Variants in DOT1L observed in about 807,000 individuals in gnomAD.
DOT1L encodes histone-lysine N-methyltransferase, H3 lysine-79 specific.
Under a neutral mutation model 153.3 loss-of-function variants are expected in DOT1L, and 33 were observed. The observed-to-expected ratio is 0.22, with a 90% confidence interval of 0.16 to 0.29. The LOEUF (loss-of-function observed/expected upper bound fraction) is 0.29. Ranked by LOEUF, DOT1L falls within the 10% of genes least tolerant of loss-of-function variation. The pLI is 1.00. For synonymous variants in DOT1L, 1,135 were observed against 965.1 expected (o/e 1.18, Z -3.26); for missense variants, 1,847 against 2,119.9 (o/e 0.87, Z 2.53).
At chr19:2,201,510 A>G (rs1412287606) in intron 8 of DOT1L, among the ~76,000 whole-genome samples, 1 of 152,162 alleles carries the variant, frequency 6.6e-6, no homozygotes, top group East Asian at 1.9e-4. Context: ...GAACAAGTAG[A>G]AAATGGGGGT....
intron 23 of DOT1L, 112 bp from the exon 24 acceptor site, chr19:2,221,864 C>A: frequency 8.6e-7 from 1 of 1,156,910 alleles, no homozygotes. Context: ...CCCTTCCCCA[C>A]TTCCCCGCCT....
intron 2 of DOT1L, 45 bp from the exon 3 acceptor site, chr19:2,185,808 CAA>C: frequency 6.3e-7 from 1 of 1,593,854 alleles, no homozygotes; most frequent in Non-Finnish European, 8.6e-7. Flanking sequence ...CAAAACAAAA[CAA>C]AAAAAACCAA....
At chr19:2,189,934 A>T in intron 4 of DOT1L, 139 bp downstream of exon 4, 2 of 978,406 alleles carry the variant, frequency 2.0e-6, no homozygotes, top group Non-Finnish European at 3.1e-6. Context: ...TGGGGGGACG[A>T]TGGGCTGTGG....
chr19:2,220,501 G>C lies in DOT1L; in HGVS notation c.2806+279G>C. The C allele has an allele frequency of 1.8e-6, 1 of 548,502 alleles. No individual in the cohort carries two copies. The highest frequency in any genetic ancestry group is 1.5e-5 in the South Asian group (1 of 65,392). The allele number at this position is 548,502 out of a possible 1,614,324, so 34.0% of individuals were successfully genotyped here. On this transcript the variant is annotated intron_variant, in intron 23 of 27. Coordinates refer to ENST00000398665, the MANE Select transcript of DOT1L (RefSeq NM_032482.3). The surrounding 1 kb of genome is among the most constrained non-coding windows in gnomAD (Gnocchi z 4.5). ...AATTCAGCCCGTGAGGTCGGCCCCA[G>C]TGCTCTCGGGGGCTCCTGTACTCAC...
chr19:2,195,821 A>C (rs944117267), intron 7 of DOT1L, among the ~76,000 whole-genome samples: 4 of 152,340 alleles, frequency 2.6e-5, no homozygotes, highest in Admixed American at 2.6e-4. Flanking sequence ...GGAATCCGCA[A>C]GTTTGCAGAA....
Position 2,209,760 on chromosome 19 carries a change from C to T in DOT1L, c.1006-640C>T, listed in dbSNP as rs141561805. ...CAGACAAGACCAGCATGCGGAGAACCCCGTACAGGAAGGGCTCTGTCACTG... is the reference window on the plus strand; with the variant it reads ...CAGACAAGACCAGCATGCGGAGAACTCCGTACAGGAAGGGCTCTGTCACTG... On this transcript the variant is annotated intron_variant, in intron 12 of 27. Transcript: ENST00000398665. 6.6e-5 allele frequency among the ~76,000 whole-genome samples: 10 copies of T among 152,332 alleles called. No individual in the cohort carries two copies. The East Asian group carries it at 1.5e-3, about 24-fold the overall frequency.
intron 15 of DOT1L, 79 bp from the exon 16 acceptor site, chr19:2,211,672 G>C: frequency 7.7e-7 from 1 of 1,304,972 alleles, no homozygotes; most frequent in Non-Finnish European, 1.1e-6. Flanking sequence ...CCTGGGACTC[G>C]TTCTCAAGGG....
At chr19:2,169,442 C>T (rs762143183) in intron 1 of DOT1L, among the ~76,000 whole-genome samples, 2 of 152,120 alleles carry the variant, frequency 1.3e-5, no homozygotes, top group Non-Finnish European at 1.5e-5. Flanking sequence ...GGTACTGGGG[C>T]GGGGAATTGT....
rs199670595 is a variant in DOT1L, at chr19:2,223,370, C to G, written c.3480C>G (p.His1160Gln). Reference sequence around the variant, plus strand: ...GCTCCCCTGTGCCCTACCAGGACCACGACCAGCCCCCCGTGCTCAAGAAGG... The same window carrying G: ...GCTCCCCTGTGCCCTACCAGGACCAGGACCAGCCCCCCGTGCTCAAGAAGG... Reference protein sequence around the residue: ...LKSSPVPYQDHDQPPVLKKER... With the variant: ...LKSSPVPYQDQDQPPVLKKER... Residue 1160 changes from histidine to glutamine, a missense_variant, in exon 25 of 28, where the codon CAC becomes CAG. His to Gln is a conservative substitution (Grantham distance 24, BLOSUM62 0). This residue lies in a region of DOT1L where 934 missense variants were observed against 825.3 expected (regional missense o/e 1.13). Transcript: ENST00000398665. The G allele has an allele frequency of 1.2e-6, 2 of 1,613,862 alleles. No homozygotes were observed. Among genetic ancestry groups the G allele is most frequent in the Middle Eastern group, 1.6e-4 (1 of 6,062 alleles).
Position 2,193,722 on chromosome 19 carries a change from C to T in DOT1L, c.527C>T (p.Ala176Val), listed in dbSNP as rs765670041. The change falls in exon 6 of 28, where the codon GCC (alanine) becomes GTC (valine). Residue 176 changes from alanine to valine, a missense_variant. Around this residue, in one of 8 missense-constraint regions of DOT1L, gnomAD observed 148 missense variants for 422.3 expected, o/e 0.35. Coordinates refer to ENST00000398665, the MANE Select transcript of DOT1L (RefSeq NM_032482.3). The surrounding 1 kb of genome is among the most constrained non-coding windows in gnomAD (Gnocchi z 5.9). ...VGQVVLQVAA[A>V]TNCKHHYGVE... is the part of the protein sequence containing the mutation. ...CAGGTCGTGCTCCAGGTTGCTGCTGCCACCAACTGCAAACATCACTATGGC... is the reference window on the plus strand; with the variant it reads ...CAGGTCGTGCTCCAGGTTGCTGCTGTCACCAACTGCAAACATCACTATGGC... 6.2e-7 allele frequency: 1 copy of T among 1,614,150 alleles called. No homozygotes were observed. The highest frequency in any genetic ancestry group is 2.2e-5 in the East Asian group (1 of 44,888).
rs906128938 is a variant in DOT1L at position 2,193,472 on chromosome 19, C to T, written c.494-217C>T. On this transcript the variant is annotated intron_variant, in intron 5 of 27. Transcript: ENST00000398665. The surrounding 1 kb of genome is among the most constrained non-coding windows in gnomAD (Gnocchi z 5.9). Reference sequence around the variant, plus strand: ...CACCAAGTGATGTCCATGGATGACGCGTTGTGATGACCGTCCCCTCGTGGG... The same window carrying T: ...CACCAAGTGATGTCCATGGATGACGTGTTGTGATGACCGTCCCCTCGTGGG... Among the ~76,000 whole-genome samples, 7 of 152,160 alleles carry T rather than the reference C, an allele frequency of 4.6e-5. No homozygotes were observed. The highest frequency in any genetic ancestry group is 1.0e-4 in the Non-Finnish European group (7 of 68,028).
chr19:2,182,386 A>T (rs973797469), intron 2 of DOT1L, among the ~76,000 whole-genome samples: 3 of 151,900 alleles, frequency 2.0e-5, no homozygotes, highest in Non-Finnish European at 4.4e-5. Flanking sequence ...ACAAAAAAGT[A>T]AAAAATTAGC....
At chr19:2,166,374 G>A (rs1393818266) in intron 1 of DOT1L, among the ~76,000 whole-genome samples, 1 of 152,016 alleles carries the variant, frequency 6.6e-6, no homozygotes, top group East Asian at 1.9e-4. Context: ...GGGATTACAG[G>A]CACGAGCCAC....
intron 3 of DOT1L, among the ~76,000 whole-genome samples, chr19:2,187,789 G>A (rs1023184863): frequency 1.4e-4 from 21 of 152,156 alleles, no homozygotes; most frequent in African/African-American, 4.1e-4. Flanking sequence ...GGGCGTGGTG[G>A]CGGGTGCCTG....
intron 8 of DOT1L, among the ~76,000 whole-genome samples, chr19:2,200,297 G>C (rs55932677): frequency 0.036 from 5,385 of 151,652 alleles, 174 homozygotes; most frequent in Non-Finnish European, 0.05. Context: ...CATCCCTTCT[G>C]GAGTGGCTGG....
At chr19:2,212,720 A>G (rs2023758660) in intron 16 of DOT1L, 1 of 152,304 alleles carries the variant, frequency 6.6e-6, no homozygotes, top group African/African-American at 2.4e-5. Flanking sequence ...GCAGGGGCCT[A>G]GTACATGCTG....
rs1371455317 is a variant in DOT1L, at chr19:2,226,862, G to A, written c.4341G>A (p.Ala1447=). Residue 1447 remains alanine, a synonymous_variant, in exon 27 of 28, where the codon GCG becomes GCA. Coordinates refer to ENST00000398665, the MANE Select transcript of DOT1L (RefSeq NM_032482.3). ...SLLSGPGLAP[A]ASSAGGAASS... ...TCAGCGGCCCCGGCCTGGCCCCGGC[G>A]GCGTCCTCCGCAGGCGGCGCGGCGT... The A allele has an allele frequency of 4.4e-6, 7 of 1,574,830 alleles. No homozygotes were observed. The highest frequency in any genetic ancestry group is 4.7e-5 in the East Asian group (2 of 42,646).
chr19:2,211,354 G>A (rs2023707831), intron 15 of DOT1L, 142 bp downstream of exon 15: 1 of 738,088 alleles, frequency 1.4e-6, no homozygotes, highest in East Asian at 2.7e-5. Flanking sequence ...GTTGGGGTCT[G>A]CCTGCTGCAG....
At chr19:2,180,645 G>T in intron 1 of DOT1L, 68 bp from the exon 2 acceptor site, 1 of 1,588,778 alleles carries the variant, frequency 6.3e-7, no homozygotes, top group East Asian at 2.2e-5. Context: ...TCGCTTGTCC[G>T]GGAAGAGAGC....
Sources: allele counts gnomAD v4.1 joint callset (sites outside exome capture counted in the v4.1 genomes callset), GRCh38; gene constraint gnomAD v4.1.1; regional missense constraint gnomAD v4.1.1; non-coding constraint Gnocchi (gnomAD v3.1); transcripts MANE v1.5; gene names NCBI Gene and HGNC (gene_info 2026-07-23, HGNC 2026-07-21).